RARA: variants seen among roughly 807,000 people sequenced by gnomAD.
The protein encoded by RARA is PML-DDX5-RARA fusion.
In RARA, 5 loss-of-function variants were observed where a neutral mutation model predicts 42.8. The ratio of observed to expected loss-of-function variants is 0.12; its 90% CI spans 0.06 to 0.25. The LOEUF (loss-of-function observed/expected upper bound fraction) is 0.25, where lower values mean the gene tolerates loss of function less well. Ranked by LOEUF, RARA falls within the 10% of genes least tolerant of loss-of-function variation. The probability of loss-of-function intolerance (pLI) is 1.00; values close to 1 mark genes in which losing one functional copy is unlikely to be tolerated. For missense variants in RARA, 402 were observed against 628.7 expected (o/e 0.64, Z 3.86); for synonymous variants, 256 against 259.5 (o/e 0.99, Z 0.13).
intron 1 of RARA, among the ~76,000 whole-genome samples, chr17:40,327,950 G>T (rs2033590646): frequency 6.6e-6 from 1 of 152,218 alleles, no homozygotes; most frequent in Admixed American, 6.5e-5. Context: ...GCCTAGGAGG[G>T]AATTGGCAGG....
intron 2 of RARA, among the ~76,000 whole-genome samples, chr17:40,339,810 C>T (rs997046967): frequency 6.6e-6 from 1 of 152,206 alleles, no homozygotes; most frequent in Non-Finnish European, 1.5e-5. Context: ...TCTTTGATGG[C>T]AGGGACAGAG....
At chr17:40,341,889 C>A in intron 2 of RARA, 1 of 1,045,284 alleles carries the variant, frequency 9.6e-7, no homozygotes, top group Non-Finnish European at 1.2e-6. Flanking sequence ...GCCCCCTCCT[C>A]TCCCTGTACT....
rs368001358 is a variant in RARA, at chr17:40,357,345, A to C, written c.*1119A>C. ...ACACATGCGCGTGCGCACACACACA[A>C]ACACACACACACTGGACAGTAGATG... is the stretch of plus-strand genomic sequence containing the variant. On this transcript the variant is annotated 3_prime_UTR_variant, in exon 9 of 9. Transcript: ENST00000254066. 15 of 232,018 alleles carry C rather than the reference A, an allele frequency of 6.5e-5. No individual in the cohort carries two copies. Among genetic ancestry groups the C allele is most frequent in the South Asian group, 3.5e-4 (2 of 5,646 alleles). 14.4% of individuals were successfully genotyped at this position (232,018 alleles called of 1,614,324 possible).
At chr17:40,331,645 TG>T (rs1323374694) in intron 2 of RARA, among the ~76,000 whole-genome samples, 4 of 152,182 alleles carry the variant, frequency 2.6e-5, no homozygotes, top group Non-Finnish European at 5.9e-5. Flanking sequence ...TGTTCTGGCC[TG>T]CAGTGGCCCT....
At chr17:40,311,528 CTCT>C (rs1285416271) in intron 1 of RARA, among the ~76,000 whole-genome samples, 2 of 152,206 alleles carry the variant, frequency 1.3e-5, no homozygotes, top group African/African-American at 2.4e-5. Context: ...ACTTTCTTCT[CTCT>C]TCTTGTTCAG....
intron 1 of RARA, among the ~76,000 whole-genome samples, chr17:40,313,213 T>C (rs1372601477): frequency 6.6e-6 from 1 of 152,044 alleles, no homozygotes; most frequent in Non-Finnish European, 1.5e-5. Flanking sequence ...CCAGAGCCCT[T>C]TGTGAGCCCT....
At chr17:40,341,521 G>C in intron 2 of RARA, 2 of 1,480,880 alleles carry the variant, frequency 1.4e-6, no homozygotes, top group Non-Finnish European at 1.8e-6. Flanking sequence ...GCCGCTCTCC[G>C]CGTCTCCGGG....
Position 40,355,511 on chromosome 17 carries a change from G to C in RARA, c.1171+90G>C. 6.8e-7 allele frequency: 1 copy of C among 1,464,010 alleles called. No individual in the cohort carries two copies. Among genetic ancestry groups the C allele is most frequent in the South Asian group, 1.3e-5 (1 of 74,412 alleles). 90.7% of individuals were successfully genotyped at this position (1,464,010 alleles called of 1,614,324 possible). On this transcript the variant is annotated intron_variant, in intron 8 of 8. Coordinates refer to ENST00000254066, the MANE Select transcript of RARA (RefSeq NM_000964.4). This position sits in a 1 kb window ranked among gnomAD's most constrained non-coding sequence, Gnocchi z 4.1. ...CCAGCACCCCATGTCTTTGTGCCAG[G>C]ACAATACGACACCTGTCCCCATCTG...
At chr17:40,323,858 C>G (rs2033463838) in intron 1 of RARA, among the ~76,000 whole-genome samples, 1 of 151,282 alleles carries the variant, frequency 6.6e-6, no homozygotes. Context: ...TTCCTGGATT[C>G]CCTGCAGCGT....
intron 1 of RARA, among the ~76,000 whole-genome samples, chr17:40,324,444 C>G (rs973729122): frequency 6.6e-6 from 1 of 152,106 alleles, no homozygotes; most frequent in African/African-American, 2.4e-5. Flanking sequence ...GAGGTCCTGA[C>G]CATGTCCCCC....
intron 1 of RARA, among the ~76,000 whole-genome samples, chr17:40,312,449 C>T (rs2033115068): frequency 6.6e-6 from 1 of 152,256 alleles, no homozygotes; most frequent in Non-Finnish European, 1.5e-5. Flanking sequence ...CCCCTCATTT[C>T]CTGCTCTTTG....
intron 2 of RARA, chr17:40,342,898 A>C (rs1426488314): frequency 6.3e-7 from 1 of 1,589,666 alleles, no homozygotes; most frequent in Non-Finnish European, 8.6e-7. Context: ...CTGCTGTTGT[A>C]GGGGGTGGGA....
chr17:40,313,256 G>C (rs529476244), intron 1 of RARA, among the ~76,000 whole-genome samples: 1 of 152,308 alleles, frequency 6.6e-6, no homozygotes, highest in South Asian at 2.1e-4. Context: ...GTGGGTCATG[G>C]TGGTTGTTTG....
Position 40,355,525 on chromosome 17 carries a change from T to G in RARA, c.1171+104T>G. The G allele has an allele frequency of 7.1e-7, 1 of 1,407,158 alleles. No individual in the cohort carries two copies. Among genetic ancestry groups the G allele is most frequent in the East Asian group, 2.5e-5 (1 of 40,222 alleles). The allele number at this position is 1,407,158 out of a possible 1,614,324, so 87.2% of individuals were successfully genotyped here. On this transcript the variant is annotated intron_variant, in intron 8 of 8. Coordinates refer to ENST00000254066, the MANE Select transcript of RARA (RefSeq NM_000964.4). This position sits in a 1 kb window ranked among gnomAD's most constrained non-coding sequence, Gnocchi z 4.1. The stretch of plus-strand genomic sequence containing the variant: ...CTTTGTGCCAGGACAATACGACACC[T>G]GTCCCCATCTGTGTCTAGGCTGAGG...
Position 40,351,212 on chromosome 17 carries a change from C to A in RARA, c.470-698C>A, listed in dbSNP as rs537063031. On this transcript the variant is annotated intron_variant, in intron 4 of 8. Coordinates refer to ENST00000254066, the MANE Select transcript of RARA (RefSeq NM_000964.4). The surrounding 1 kb of genome is among the most constrained non-coding windows in gnomAD (Gnocchi z 4.1). ...AGTGATCTCCAAATTATGCCAGCTA[C>A]CCCCACCTCGCTACCCCCTCCCTGA... Among the ~76,000 whole-genome samples the A allele has an allele frequency of 7.0e-3, 1,050 of 150,948 alleles. 10 individuals are homozygous for A. Among genetic ancestry groups the A allele is most frequent in the South Asian group, 0.01 (49 of 4,772 alleles).
intron 2 of RARA, among the ~76,000 whole-genome samples, chr17:40,333,917 A>T (rs1199760264): frequency 6.6e-6 from 1 of 152,238 alleles, no homozygotes; most frequent in African/African-American, 2.4e-5. Flanking sequence ...AGATATGGGC[A>T]TGTACCACTG....
intron 1 of RARA, among the ~76,000 whole-genome samples, chr17:40,313,255 G>A (rs2033130493): frequency 6.6e-6 from 1 of 152,150 alleles, no homozygotes; most frequent in Non-Finnish European, 1.5e-5. Flanking sequence ...TGTGGGTCAT[G>A]GTGGTTGTTT....
chr17:40,329,840 T>C (rs1286617382), intron 1 of RARA, among the ~76,000 whole-genome samples: 6 of 152,358 alleles, frequency 3.9e-5, no homozygotes, highest in Non-Finnish European at 2.9e-5. Flanking sequence ...TATAAATACA[T>C]GCATATGTAT....
At position 40,331,143 on chromosome 17, in the gene RARA, C is replaced by G; in HGVS notation, c.-76C>G. ...CCATCTGGGCCCAGGCCCCATGCCC[C>G]GAGGAGGGGTGGTCTGAAGCCCACC... On this transcript the variant is annotated 5_prime_UTR_variant, in exon 2 of 9. Coordinates refer to ENST00000254066, the MANE Select transcript of RARA (RefSeq NM_000964.4). 6.8e-7 allele frequency: 1 copy of G among 1,468,246 alleles called. No individual in the cohort carries two copies. The highest frequency in any genetic ancestry group is 1.3e-5 in the South Asian group (1 of 77,936). The allele number at this position is 1,468,246 out of a possible 1,614,324, so 91.0% of individuals were successfully genotyped here.
Sources: allele counts gnomAD v4.1 joint callset (sites outside exome capture counted in the v4.1 genomes callset), GRCh38; gene constraint gnomAD v4.1.1; non-coding constraint Gnocchi (gnomAD v3.1); transcripts MANE v1.5; gene names NCBI Gene and HGNC (gene_info 2026-07-23, HGNC 2026-07-21).